Variants in DIO1 observed in about 807,000 individuals in gnomAD.
The protein encoded by DIO1 is type I iodothyronine deiodinase.
Under a neutral mutation model 25.9 loss-of-function variants are expected in DIO1, and 17 were observed. The observed-to-expected ratio is 0.66, with a 90% CI of 0.45 to 0.98. The LOEUF (loss-of-function observed/expected upper bound fraction) is 0.98. DIO1 is among the 50% of genes least tolerant of loss of function. DIO1 has a pLI of 0.00. For missense variants in DIO1, 270 were observed against 310.4 expected (o/e 0.87, Z 0.98); for synonymous variants, 115 against 114.0 (o/e 1.01, Z -0.05).
chr1:53,904,831 C>T (rs1406382813), intron 2 of DIO1, 22 bp downstream of exon 2: 2 of 1,600,562 alleles, frequency 1.2e-6, no homozygotes, highest in Admixed American at 1.7e-5. Context: ...TTCTCTGCCT[C>T]TTCTACCTCT....
At chr1:53,900,982 C>CTTTTTT (rs71063891) in intron 1 of DIO1, among the ~76,000 whole-genome samples, 3 of 72,104 alleles carry the variant, frequency 4.2e-5, no homozygotes, top group African/African-American at 5.6e-5. Context: ...GGCCAGCTAA[C>CTTTTTT]TTTTTTTTTT....
rs751495834 is a variant in DIO1 at position 53,906,302 on chromosome 1, C to G, written c.681+8C>G. 7 of 1,605,266 alleles carry G rather than the reference C, an allele frequency of 4.4e-6. No individual in the cohort carries two copies. The highest frequency in any genetic ancestry group is 6.0e-6 in the Non-Finnish European group (7 of 1,174,364). Reference sequence around the variant, plus strand: ...GGCAGGATCCTCTACAAGGTGGTGACCTGGGGACAGGGGGCCCAGGGAGGG... The same window carrying G: ...GGCAGGATCCTCTACAAGGTGGTGAGCTGGGGACAGGGGGCCCAGGGAGGG... On this transcript the variant is annotated splice_region_variant and intron_variant, in intron 3 of 3. Coordinates refer to ENST00000361921, the MANE Select transcript of DIO1 (RefSeq NM_000792.7).
chr1:53,909,842 A>G, intron 3 of DIO1, 89 bp from the exon 4 acceptor site: 1 of 1,263,840 alleles, frequency 7.9e-7, no homozygotes, highest in South Asian at 1.2e-5. Context: ...TCATTTGACC[A>G]CCTCTTGCAA....
intron 1 of DIO1, among the ~76,000 whole-genome samples, chr1:53,899,740 C>T (rs1175307678): frequency 3.9e-5 from 6 of 152,168 alleles, no homozygotes; most frequent in South Asian, 2.1e-4. Context: ...TGCAATGGCA[C>T]GATCGTAGCT....
intron 2 of DIO1, among the ~76,000 whole-genome samples, chr1:53,905,608 C>A (rs532242394): frequency 1.1e-4 from 17 of 152,218 alleles, no homozygotes; most frequent in African/African-American, 3.9e-4. Flanking sequence ...AGTCCATCCA[C>A]GCTGACGCCT....
chr1:53,904,407 A>G (rs1651534007), intron 1 of DIO1, among the ~76,000 whole-genome samples: 1 of 152,140 alleles, frequency 6.6e-6, no homozygotes, highest in Non-Finnish European at 1.5e-5. Flanking sequence ...CTCCTCTTAT[A>G]TTTAAACTGC....
intron 3 of DIO1, 140 bp downstream of exon 3, chr1:53,906,434 G>C: frequency 7.0e-6 from 5 of 716,442 alleles, no homozygotes; most frequent in Non-Finnish European, 9.2e-6. Flanking sequence ...ATGGGCGAGT[G>C]CTTTCACTTC....
intron 1 of DIO1, among the ~76,000 whole-genome samples, chr1:53,898,421 A>T (rs12749848): frequency 1.3e-5 from 2 of 151,700 alleles, no homozygotes; most frequent in Non-Finnish European, 2.9e-5. Flanking sequence ...GGTTTCCAAG[A>T]GAGAAGTAAA....
chr1:53,904,848 T>C, intron 2 of DIO1, 39 bp downstream of exon 2: 1 of 1,588,486 alleles, frequency 6.3e-7, no homozygotes, highest in Non-Finnish European at 8.6e-7. Context: ...CTCTTCCCAC[T>C]GTCTTTTCTC....
At chr1:53,906,004 T>C in intron 2 of DIO1, 91 bp from the exon 3 acceptor site, 1 of 1,247,862 alleles carries the variant, frequency 8.0e-7, no homozygotes, top group Non-Finnish European at 1.1e-6. Context: ...AGGGCTCCTC[T>C]GAGAACCTCA....
chr1:53,902,093 T>C (rs1651398252), intron 1 of DIO1, among the ~76,000 whole-genome samples: 1 of 150,870 alleles, frequency 6.6e-6, no homozygotes, highest in Non-Finnish European at 1.5e-5. Flanking sequence ...CTGCCAGTGG[T>C]TTTGTGGGGC....
At chr1:53,900,273 T>C (rs1651285886) in intron 1 of DIO1, among the ~76,000 whole-genome samples, 1 of 151,840 alleles carries the variant, frequency 6.6e-6, no homozygotes, top group African/African-American at 2.4e-5. Context: ...TATTCCGTTT[T>C]CCCCTCCTGT....
At chr1:53,908,177 G>A (rs1022756705) in intron 3 of DIO1, among the ~76,000 whole-genome samples, 2 of 151,632 alleles carry the variant, frequency 1.3e-5, no homozygotes, top group East Asian at 1.9e-4. Flanking sequence ...AGCCGAGATC[G>A]CACCACTGCA....
intron 2 of DIO1, among the ~76,000 whole-genome samples, chr1:53,905,281 C>T (rs1651597354): frequency 6.8e-6 from 1 of 147,850 alleles, no homozygotes; most frequent in South Asian, 2.1e-4. Flanking sequence ...CTAAATCGAT[C>T]CTCCTGTCTC....
At chr1:53,896,730 C>T (rs991958302) in intron 1 of DIO1, among the ~76,000 whole-genome samples, 2 of 152,168 alleles carry the variant, frequency 1.3e-5, no homozygotes, top group African/African-American at 4.8e-5. Context: ...CAAATCCTTA[C>T]AGTCCTATGA....
At chr1:53,895,404 CAG>C (rs1651020337) in intron 1 of DIO1, among the ~76,000 whole-genome samples, 1 of 151,168 alleles carries the variant, frequency 6.6e-6, no homozygotes, top group Admixed American at 6.6e-5. Context: ...GCCTGGGCAA[CAG>C]AGTGAGACGC....
At chr1:53,909,750 A>T (rs1226926249) in intron 3 of DIO1, among the ~76,000 whole-genome samples, 181 bp from the exon 4 acceptor site, 1 of 152,178 alleles carries the variant, frequency 6.6e-6, no homozygotes, top group Non-Finnish European at 1.5e-5. Context: ...TTAACTGCTG[A>T]TGCCACTGTA....
intron 1 of DIO1, 115 bp from the exon 2 acceptor site, chr1:53,904,551 G>A (rs1480922209): frequency 2.2e-6 from 3 of 1,342,480 alleles, no homozygotes; most frequent in African/African-American, 1.5e-5. Flanking sequence ...ACCCATCCTG[G>A]GGTGGGGGGT....
chr1:53,897,595 G>A (rs1363429227), intron 1 of DIO1, among the ~76,000 whole-genome samples: 2 of 152,222 alleles, frequency 1.3e-5, no homozygotes, highest in Non-Finnish European at 2.9e-5. Context: ...GCCCATGCCT[G>A]TAATCCCAGC....
Sources: allele counts gnomAD v4.1 joint callset (sites outside exome capture counted in the v4.1 genomes callset), GRCh38; gene constraint gnomAD v4.1.1; transcripts MANE v1.5; gene names NCBI Gene and HGNC (gene_info 2026-07-23, HGNC 2026-07-21).